FCRL5: variants seen among roughly 807,000 people sequenced by gnomAD.
The protein encoded by FCRL5 is Fc receptor like 5, also known as Fc receptor-like protein 5.
FCRL5 carries 79 observed loss-of-function variants against 92.1 expected under a neutral mutation model. The ratio of observed to expected loss-of-function variants is 0.86; its 90% CI spans 0.72 to 1.03. The LOEUF (loss-of-function observed/expected upper bound fraction) is 1.03. FCRL5 is among the 50% of genes least tolerant of loss of function. FCRL5 has a pLI of 0.00. For missense variants in FCRL5, 1,160 were observed against 1,181.1 expected (o/e 0.98, Z 0.26); for synonymous variants, 466 against 469.3 (o/e 0.99, Z 0.09).
At chr1:157,518,358 G>T in intron 15 of FCRL5, 71 bp downstream of exon 15, 1 of 1,344,724 alleles carries the variant, frequency 7.4e-7, no homozygotes, top group South Asian at 1.2e-5. Flanking sequence ...CAGATCTGCT[G>T]AGTGGGTAGA....
intron 2 of FCRL5, 120 bp from the exon 3 acceptor site, chr1:157,547,317 G>T: frequency 1.5e-6 from 2 of 1,322,324 alleles, no homozygotes; most frequent in Non-Finnish European, 2.1e-6. Context: ...TCCTCTGGGA[G>T]GGTCACTGAT....
chr1:157,545,019 C>T lies in FCRL5; in HGVS notation c.371G>A (p.Arg124Gln), dbSNP rs778238010. 2.1e-5 allele frequency: 34 copies of T among 1,613,370 alleles called. No homozygotes were observed. Among genetic ancestry groups the T allele is most frequent in the African/African-American group, 5.3e-5 (4 of 74,870 alleles). ...FEGDSVVLRC[R>Q]AKAEVTLNNT... ...ATTCAGTGTTACTTCCGCCTTTGCCCGGCACCTCAGAACCACAGAGTCTCC... is the reference window on the plus strand; with the variant it reads ...ATTCAGTGTTACTTCCGCCTTTGCCTGGCACCTCAGAACCACAGAGTCTCC... Residue 124 changes from arginine (R) to glutamine (Q), a missense_variant, in exon 4 of 17, where the codon CGG (arginine) becomes CAG (glutamine). By Grantham distance (43) the Arg-to-Gln change is conservative. Transcript: ENST00000361835.
At chr1:157,534,346 T>C in intron 8 of FCRL5, 1 of 711,540 alleles carries the variant, frequency 1.4e-6, no homozygotes, top group Non-Finnish European at 2.6e-6. Context: ...AAAATTGGCG[T>C]ACTGTTGGAA....
chr1:157,543,552 C>T (rs887767153), intron 5 of FCRL5, among the ~76,000 whole-genome samples: 12 of 152,104 alleles, frequency 7.9e-5, no homozygotes, highest in Non-Finnish European at 1.8e-4. Flanking sequence ...CCTGTGTAGG[C>T]TGTTTTCAGG....
intron 15 of FCRL5, among the ~76,000 whole-genome samples, chr1:157,516,234 G>A (rs186022256): frequency 6.6e-6 from 1 of 152,240 alleles, no homozygotes. Context: ...CTCCATCAGG[G>A]TCTAGACCAC....
At position 157,547,101 on chromosome 1, in the gene FCRL5, T is replaced by G. The variant is rs376035021; in HGVS notation, c.149A>C (p.Tyr50Ser). ...VTLTCKGFRF[Y>S]SPQKTKWYHR... ...GTACCATTTTGTTTTCTGTGGTGAG[T>G]AGAAGCGAAATCCCTTGCAAGTGAG... Residue 50 changes from tyrosine to serine, a missense_variant, in exon 3 of 17, where the codon TAC becomes TCC. Tyr to Ser is a moderately radical substitution (Grantham distance 144, BLOSUM62 -2). Transcript: ENST00000361835. 51 of 1,614,118 alleles carry G rather than the reference T, an allele frequency of 3.2e-5. No homozygotes were observed. In the African/African-American group the frequency reaches 5.3e-4, roughly 17 times the overall value.
intron 10 of FCRL5, chr1:157,522,718 GC>G (rs1200557374): frequency 6.6e-6 from 1 of 152,210 alleles, no homozygotes; most frequent in Non-Finnish European, 1.5e-5. Flanking sequence ...TTCAGGCTGG[GC>G]AAGAAACCCT....
intron 1 of FCRL5, 88 bp from the exon 2 acceptor site, chr1:157,549,668 T>G: frequency 8.6e-7 from 1 of 1,158,206 alleles, no homozygotes; most frequent in Non-Finnish European, 1.2e-6. Context: ...CATGCATGTA[T>G]TACTTGTCCC....
intron 2 of FCRL5, 187 bp from the exon 3 acceptor site, chr1:157,547,384 C>A: frequency 2.5e-6 from 2 of 795,966 alleles, no homozygotes; most frequent in Non-Finnish European, 2.2e-6. Flanking sequence ...AGAAATTGCC[C>A]AGGGGATGGC....
rs200812718 is a variant in FCRL5, at chr1:157,521,120, G to A, written c.2412C>T (p.Ser804=). ...GNRSSPSGGA[S]LNLSLTAEHS... is the part of the protein sequence containing the mutation. The stretch of plus-strand genomic sequence containing the variant: ...GCTCTGCAGTCAGAGAGAGGTTTAA[G>A]GACGCTCCTCCAGAGGGGGACGACC... The change falls in exon 11 of 17, where the codon TCC becomes TCT. Residue 804 remains serine (S), a synonymous_variant. Transcript: ENST00000361835. 231 of 1,614,030 alleles carry A rather than the reference G, an allele frequency of 1.4e-4. 1 individual carries two copies. Among genetic ancestry groups the A allele is most frequent in the South Asian group, 7.8e-4 (71 of 91,078 alleles).
chr1:157,544,164 G>A (rs1651407719), intron 5 of FCRL5, 98 bp downstream of exon 5: 1 of 1,327,164 alleles, frequency 7.5e-7, no homozygotes, highest in African/African-American at 1.4e-5. Context: ...ACAGGTACGA[G>A]TTTTTTCTAC....
In FCRL5 at chr1:157,518,705, G is replaced by A. The variant is rs1650044577; in HGVS notation, c.2738C>T (p.Thr913Ile). The change falls in exon 14 of 17, where the codon ACT becomes ATT. Residue 913 changes from threonine (T) to isoleucine (I), a missense_variant. Coordinates refer to ENST00000361835, the MANE Select transcript of FCRL5 (RefSeq NM_031281.3). ...GCAGGATCCTCGGGCCTCACCATTA[G>A]TGTACACTGGTTGCAGCTCTTCCCA... is the stretch of plus-strand genomic sequence containing the variant. Reference protein sequence around the residue: ...PAWEELQPVYTNANPRGENVV... With the variant: ...PAWEELQPVYINANPRGENVV... The A allele has an allele frequency of 1.2e-6, 2 of 1,612,510 alleles. No individual in the cohort carries two copies. The highest frequency in any genetic ancestry group is 1.7e-6 in the Non-Finnish European group (2 of 1,179,510).
At chr1:157,541,077 G>A (rs1327709313) in intron 6 of FCRL5, among the ~76,000 whole-genome samples, 3 of 152,210 alleles carry the variant, frequency 2.0e-5, no homozygotes, top group Non-Finnish European at 4.4e-5. Flanking sequence ...ATGTGACTCA[G>A]TTTTTATCTG....
chr1:157,534,868 G>C lies in FCRL5; in HGVS notation c.1427C>G (p.Thr476Ser). Residue 476 changes from threonine to serine, a missense_variant, in exon 8 of 17, where the codon ACC becomes AGC. By Grantham distance (58) the Thr-to-Ser change is moderately conservative. Coordinates refer to ENST00000361835, the MANE Select transcript of FCRL5 (RefSeq NM_031281.3). ...AGTCAGGGCCTCAGCAGAGCTGAGG[G>C]TGAGGACAGGATGAGACACAGGGAC... is the stretch of plus-strand genomic sequence containing the variant. ...VTVPVSHPVL[T>S]LSSAEALTFE... The C allele has an allele frequency of 6.4e-7, 1 of 1,556,398 alleles. No individual in the cohort carries two copies. Among genetic ancestry groups the C allele is most frequent in the South Asian group, 1.2e-5 (1 of 80,082 alleles).
chr1:157,525,345 A>G (rs1430391596), intron 9 of FCRL5, among the ~76,000 whole-genome samples: 1 of 152,250 alleles, frequency 6.6e-6, no homozygotes, highest in African/African-American at 2.4e-5. Flanking sequence ...GTATGTGCAA[A>G]CGCCCTGAGT....
rs60516051 is a variant in FCRL5, at chr1:157,515,639, C to A, written c.*36G>T. The A allele has an allele frequency of 2.4e-5, 39 of 1,614,112 alleles. No homozygotes were observed. The highest frequency in any genetic ancestry group is 3.3e-5 in the Non-Finnish European group (39 of 1,180,010). ...CTCCCCCAAGGGGAACTTTGGGGTG[C>A]AGAGGCTGAAACAGCAGTTGGAGAG... On this transcript the variant is annotated 3_prime_UTR_variant, in exon 17 of 17. Coordinates refer to ENST00000361835, the MANE Select transcript of FCRL5 (RefSeq NM_031281.3).
chr1:157,534,868 G>A lies in FCRL5; in HGVS notation c.1427C>T (p.Thr476Ile), dbSNP rs780571618. Residue 476 changes from threonine to isoleucine, a missense_variant, in exon 8 of 17, where the codon ACC becomes ATC. Physicochemically the swap from Thr to Ile is moderately conservative, Grantham distance 89. Transcript: ENST00000361835. ...AGTCAGGGCCTCAGCAGAGCTGAGGGTGAGGACAGGATGAGACACAGGGAC... is the reference window on the plus strand; with the variant it reads ...AGTCAGGGCCTCAGCAGAGCTGAGGATGAGGACAGGATGAGACACAGGGAC... ...VTVPVSHPVL[T>I]LSSAEALTFE... The A allele has an allele frequency of 6.4e-7, 1 of 1,556,398 alleles. No homozygotes were observed. The highest frequency in any genetic ancestry group is 1.4e-5 in the African/African-American group (1 of 73,086).
chr1:157,526,961 A>C (rs971874036), intron 9 of FCRL5, among the ~76,000 whole-genome samples: 2 of 152,182 alleles, frequency 1.3e-5, no homozygotes, highest in Non-Finnish European at 2.9e-5. Flanking sequence ...ACATGTGACC[A>C]TGAGAGTCAT....
At position 157,544,248 on chromosome 1, in the gene FCRL5, C is replaced by G; in HGVS notation, c.844+14G>C. The G allele has an allele frequency of 6.2e-7, 1 of 1,610,982 alleles. No homozygotes were observed. The highest frequency in any genetic ancestry group is 8.5e-7 in the Non-Finnish European group (1 of 1,177,274). ...CCCTCTCTGCAGCAAATCTCAGGTT[C>G]CACCAACACTTACTCTGCACCTGTA... On this transcript the variant is annotated intron_variant, in intron 5 of 16. Transcript: ENST00000361835.
Sources: allele counts gnomAD v4.1 joint callset (sites outside exome capture counted in the v4.1 genomes callset), GRCh38; gene constraint gnomAD v4.1.1; transcripts MANE v1.5; gene names NCBI Gene and HGNC (gene_info 2026-07-23, HGNC 2026-07-21).